The following TIAM1 variants were observed in gnomAD, a reference collection of about 807,000 sequenced individuals.
TIAM1 encodes rho guanine nucleotide exchange factor TIAM1.
TIAM1 carries 65 observed loss-of-function variants against 163.5 expected under a neutral mutation model. The ratio of observed to expected loss-of-function variants is 0.40; its 90% CI spans 0.33 to 0.49. The LOEUF (loss-of-function observed/expected upper bound fraction) is 0.49, where lower values mean the gene tolerates loss of function less well. TIAM1 is among the 20% of genes least tolerant of loss of function. TIAM1 has a pLI of 0.77. For synonymous variants in TIAM1, 833 were observed against 810.1 expected (o/e 1.03, Z -0.48); for missense variants, 1,789 against 2,044.7 (o/e 0.87, Z 2.41).
Position 31,365,643 on chromosome 21 carries a change from G to A in TIAM1, c.-368-26221C>T, listed in dbSNP as rs573882092. ...CCTGACCTCGTGATCCACCTGCCTC[G>A]GCCTCCCAAAGTGCGGGATTACAGG... On this transcript the variant is annotated intron_variant, in intron 2 of 28. Transcript: ENST00000286827. Among the ~76,000 whole-genome samples the A allele has an allele frequency of 4.6e-5, 7 of 151,506 alleles. No individual in the cohort carries two copies. The South Asian group carries it at 8.4e-4, about 18-fold the overall frequency.
At chr21:31,262,611 A>C (rs1339190851) in intron 4 of TIAM1, among the ~76,000 whole-genome samples, 2 of 152,240 alleles carry the variant, frequency 1.3e-5, no homozygotes, top group African/African-American at 4.8e-5. Context: ...TTCAAGACTT[A>C]AATGTGAACT....
chr21:31,122,414 T>C (rs2082037244), intron 27 of TIAM1, among the ~76,000 whole-genome samples: 2 of 152,190 alleles, frequency 1.3e-5, no homozygotes, highest in African/African-American at 2.4e-5. Flanking sequence ...CTGGAAATAT[T>C]TGTTAATGAT....
At chr21:31,316,642 CTT>C (rs1286804183) in intron 2 of TIAM1, among the ~76,000 whole-genome samples, 2 of 152,186 alleles carry the variant, frequency 1.3e-5, no homozygotes, top group Admixed American at 1.3e-4. Context: ...GCCTATGCCT[CTT>C]GTTTCCTTCC....
chr21:31,541,989 ACTTTCC>A (rs2048335991), intron 1 of TIAM1, among the ~76,000 whole-genome samples: 1 of 152,152 alleles, frequency 6.6e-6, no homozygotes, highest in Non-Finnish European at 1.5e-5. Flanking sequence ...CAATTTCCTC[ACTTTCC>A]CTAAAACCAG....
At chr21:31,483,295 C>T (rs991321203) in intron 1 of TIAM1, among the ~76,000 whole-genome samples, 3 of 152,152 alleles carry the variant, frequency 2.0e-5, no homozygotes, top group East Asian at 1.9e-4. Context: ...AAGACACATA[C>T]GCACTGCACC....
intron 2 of TIAM1, among the ~76,000 whole-genome samples, chr21:31,314,070 C>T (rs769214307): frequency 2.0e-4 from 30 of 152,116 alleles, no homozygotes; most frequent in Non-Finnish European, 3.1e-4. Context: ...AAGAATTACG[C>T]TATGAATTTT....
chr21:31,218,333 A>G (rs1405664737), intron 8 of TIAM1, among the ~76,000 whole-genome samples: 1 of 152,138 alleles, frequency 6.6e-6, no homozygotes, highest in African/African-American at 2.4e-5. Context: ...TTTAGGAGGC[A>G]GATGCAGGCA....
chr21:31,321,416 G>A (rs1179562416), intron 2 of TIAM1, among the ~76,000 whole-genome samples: 3 of 152,032 alleles, frequency 2.0e-5, no homozygotes, highest in East Asian at 1.9e-4. Flanking sequence ...GCAATGGCGC[G>A]ATCTTGGCTC....
intron 2 of TIAM1, among the ~76,000 whole-genome samples, chr21:31,430,062 C>T (rs1039113899): frequency 2.6e-5 from 4 of 151,748 alleles, no homozygotes; most frequent in Non-Finnish European, 4.4e-5. Flanking sequence ...AAAAAATTAG[C>T]CAGGCGTGTT....
chr21:31,445,007 A>G (rs111884312), intron 2 of TIAM1, among the ~76,000 whole-genome samples: 3 of 520 alleles, frequency 5.8e-3, no homozygotes, highest in Non-Finnish European at 3.8e-3. Context: ...TAAAAAAAAA[A>G]GGAAAACAAA....
Position 31,416,028 on chromosome 21 carries a change from G to C in TIAM1, c.-369+47955C>G, listed in dbSNP as rs538218581. Among the ~76,000 whole-genome samples the C allele has an allele frequency of 4.3e-4, 65 of 152,184 alleles. 1 individual carries two copies. Among genetic ancestry groups the C allele is most frequent in the Non-Finnish European group, 6.2e-4 (42 of 68,034 alleles). On this transcript the variant is annotated intron_variant, in intron 2 of 28. Transcript: ENST00000286827. ...GACATAGATTTCATTCTTCCCTAAT[G>C]AGAAGCTTTCAGTGGCTTTAACTTT...
chr21:31,540,748 C>T (rs915776195), intron 1 of TIAM1, among the ~76,000 whole-genome samples: 23 of 151,828 alleles, frequency 1.5e-4, no homozygotes, highest in Non-Finnish European at 1.3e-4. Flanking sequence ...TGCTCTGAGG[C>T]GTAAGAAAGA....
chr21:31,180,050 C>T (rs1459642792), intron 15 of TIAM1, among the ~76,000 whole-genome samples: 2 of 151,668 alleles, frequency 1.3e-5, no homozygotes, highest in African/African-American at 2.4e-5. Flanking sequence ...GGATTACAGG[C>T]GCCTGCCACC....
intron 6 of TIAM1, among the ~76,000 whole-genome samples, chr21:31,236,306 C>T (rs925844310): frequency 1.3e-5 from 2 of 152,288 alleles, no homozygotes; most frequent in Middle Eastern, 3.4e-3. Flanking sequence ...CTCCACATAT[C>T]CTAGAGTTGG....
intron 1 of TIAM1, among the ~76,000 whole-genome samples, chr21:31,546,219 CAGA>C: frequency 6.7e-6 from 1 of 149,082 alleles, no homozygotes; most frequent in South Asian, 2.1e-4. Flanking sequence ...TGGAATCTTC[CAGA>C]AGAATTACCC....
intron 2 of TIAM1, among the ~76,000 whole-genome samples, chr21:31,439,283 T>C (rs1045331326): frequency 6.6e-6 from 1 of 152,194 alleles, no homozygotes; most frequent in South Asian, 2.1e-4. Context: ...CATTGTATTC[T>C]TTGTTTTTGT....
At chr21:31,437,240 A>C (rs1569330443) in intron 2 of TIAM1, among the ~76,000 whole-genome samples, 1 of 152,100 alleles carries the variant, frequency 6.6e-6, no homozygotes, top group Non-Finnish European at 1.5e-5. Flanking sequence ...TGTCACTAAA[A>C]TATTATGGCT....
chr21:31,372,767 G>A lies in TIAM1; in HGVS notation c.-368-33345C>T, dbSNP rs186643750. Among the ~76,000 whole-genome samples, 15 of 152,252 alleles carry A rather than the reference G, an allele frequency of 9.9e-5. No individual in the cohort carries two copies. The East Asian group carries it at 2.9e-3, about 29-fold the overall frequency. ...CAGGAGGATCACTTGAGACCAGCCT[G>A]GGCAACTCAGTGGTGCGGTGGCTCA... On this transcript the variant is annotated intron_variant, in intron 2 of 28. Transcript: ENST00000286827.
intron 1 of TIAM1, among the ~76,000 whole-genome samples, chr21:31,467,838 CT>C (rs769775421): frequency 5.3e-4 from 80 of 151,786 alleles, no homozygotes; most frequent in Non-Finnish European, 9.7e-4. Flanking sequence ...AATCCTAGCA[CT>C]TTAGGAGGCC....
Sources: allele counts gnomAD v4.1 joint callset (sites outside exome capture counted in the v4.1 genomes callset), GRCh38; gene constraint gnomAD v4.1.1; transcripts MANE v1.5; gene names NCBI Gene and HGNC (gene_info 2026-07-23, HGNC 2026-07-21).